The following EPC2 variants were observed in gnomAD, a reference collection of about 807,000 sequenced individuals.
The protein encoded by EPC2 is enhancer of polycomb 2.
EPC2 carries 14 observed loss-of-function variants against 92.1 expected under a neutral mutation model. That is an observed-to-expected ratio of 0.15 (90% CI 0.10 to 0.24). The LOEUF (loss-of-function observed/expected upper bound fraction) is 0.24, where lower values mean the gene tolerates loss of function less well. Ranked by LOEUF, EPC2 falls within the 10% of genes least tolerant of loss-of-function variation. The pLI, the probability that EPC2 is intolerant of heterozygous loss-of-function variation, is 1.00. For synonymous variants in EPC2, 340 were observed against 334.7 expected (o/e 1.02, Z -0.17); for missense variants, 755 against 971.5 (o/e 0.78, Z 2.96).
In EPC2 at chr2:148,670,460, T is replaced by C. The variant is rs546950894; in HGVS notation, c.154-19754T>C. 2.4e-4 allele frequency among the ~76,000 whole-genome samples: 36 copies of C among 152,326 alleles called. No homozygotes were observed. The South Asian group carries it at 3.3e-3, about 14-fold the overall frequency. On this transcript the variant is annotated intron_variant, in intron 1 of 13. Transcript: ENST00000258484. The stretch of plus-strand genomic sequence containing the variant: ...CAATGTTGTACAACCATTACCACTA[T>C]TTTGTTTCAAAACATTTCTATCAGC...
intron 1 of EPC2, among the ~76,000 whole-genome samples, chr2:148,689,941 T>C (rs1681611101): frequency 6.6e-6 from 1 of 152,130 alleles, no homozygotes; most frequent in African/African-American, 2.4e-5. Flanking sequence ...TTTTTTGTAA[T>C]TGAAATTTTA....
At chr2:148,743,406 T>G (rs749388578) in intron 2 of EPC2, among the ~76,000 whole-genome samples, 22 of 152,198 alleles carry the variant, frequency 1.4e-4, no homozygotes, top group Non-Finnish European at 2.1e-4. Flanking sequence ...ATAAGATATT[T>G]CTTAACGTTT....
At chr2:148,748,040 C>T (rs970064298) in intron 3 of EPC2, among the ~76,000 whole-genome samples, 3 of 152,048 alleles carry the variant, frequency 2.0e-5, no homozygotes, top group Non-Finnish European at 2.9e-5. Flanking sequence ...ATGATTGGAT[C>T]GTGAGAGTGG....
chr2:148,705,737 A>G (rs1180699579), intron 2 of EPC2, among the ~76,000 whole-genome samples: 1 of 152,222 alleles, frequency 6.6e-6, no homozygotes, highest in Admixed American at 6.5e-5. Flanking sequence ...GCAAACTCCA[A>G]CAGACCTGCA....
At chr2:148,768,672 G>T (rs1236324073) in intron 7 of EPC2, among the ~76,000 whole-genome samples, 1 of 152,196 alleles carries the variant, frequency 6.6e-6, no homozygotes, top group South Asian at 2.1e-4. Flanking sequence ...GGCCTTTATG[G>T]CCTTTGGGGT....
intron 8 of EPC2, 55 bp from the exon 9 acceptor site, chr2:148,770,737 T>G (rs1683499965): frequency 6.5e-7 from 1 of 1,537,472 alleles, no homozygotes; most frequent in African/African-American, 1.4e-5. Flanking sequence ...TAACCTGTCT[T>G]CATTTCAGAT....
intron 2 of EPC2, among the ~76,000 whole-genome samples, chr2:148,721,364 TC>T (rs2105390937): frequency 6.6e-6 from 1 of 152,218 alleles, no homozygotes; most frequent in East Asian, 1.9e-4. Flanking sequence ...AATATTTCAC[TC>T]CATGCTGTTC....
At chr2:148,663,740 A>G (rs571509481) in intron 1 of EPC2, among the ~76,000 whole-genome samples, 1 of 151,642 alleles carries the variant, frequency 6.6e-6, no homozygotes, top group South Asian at 2.1e-4. Flanking sequence ...TAATTTTTCC[A>G]TGGATGAGGG....
intron 2 of EPC2, among the ~76,000 whole-genome samples, chr2:148,707,202 T>C (rs1361470495): frequency 6.6e-6 from 1 of 151,962 alleles, no homozygotes; most frequent in Non-Finnish European, 1.5e-5. Context: ...GCAATCCTAG[T>C]CTCCGATAAA....
intron 2 of EPC2, among the ~76,000 whole-genome samples, chr2:148,711,978 G>C (rs1282922620): frequency 6.6e-6 from 1 of 151,982 alleles, no homozygotes; most frequent in Non-Finnish European, 1.5e-5. Context: ...TTTAAACTGG[G>C]TTTATTTTAG....
At chr2:148,676,035 C>A (rs1006395015) in intron 1 of EPC2, among the ~76,000 whole-genome samples, 1 of 151,976 alleles carries the variant, frequency 6.6e-6, no homozygotes, top group Non-Finnish European at 1.5e-5. Context: ...TTAGTTCATT[C>A]GTCCCCAAAA....
intron 2 of EPC2, among the ~76,000 whole-genome samples, chr2:148,710,852 G>T (rs12691804): frequency 0.096 from 14,603 of 152,074 alleles, 961 homozygotes; most frequent in Middle Eastern, 0.19. Context: ...GTTGTGGGTT[G>T]GGGGGAGTGG....
intron 2 of EPC2, among the ~76,000 whole-genome samples, chr2:148,734,459 A>G (rs1408813416): frequency 6.6e-6 from 1 of 152,140 alleles, no homozygotes; most frequent in African/African-American, 2.4e-5. Flanking sequence ...TCTGTATACA[A>G]CGATTATTAA....
chr2:148,652,622 G>C (rs568404802), intron 1 of EPC2, among the ~76,000 whole-genome samples: 238 of 152,186 alleles, frequency 1.6e-3, no homozygotes, highest in Middle Eastern at 3.4e-3. Flanking sequence ...CTCTGAAACC[G>C]CATGTCTATC....
At chr2:148,664,698 T>C (rs532616749) in intron 1 of EPC2, among the ~76,000 whole-genome samples, 1 of 152,298 alleles carries the variant, frequency 6.6e-6, no homozygotes, top group South Asian at 2.1e-4. Flanking sequence ...AGATTAGTGG[T>C]TTGCATTCTC....
chr2:148,777,449 A>G (rs1053593275), intron 10 of EPC2, among the ~76,000 whole-genome samples: 1 of 152,070 alleles, frequency 6.6e-6, no homozygotes, highest in Non-Finnish European at 1.5e-5. Context: ...CTGTGTTCCT[A>G]CTCTGTTATG....
chr2:148,736,823 C>T (rs1682767268), intron 2 of EPC2, among the ~76,000 whole-genome samples: 1 of 151,836 alleles, frequency 6.6e-6, no homozygotes, highest in African/African-American at 2.4e-5. Context: ...TTCAGGGCCG[C>T]ACACGATGGC....
chr2:148,706,257 T>G, intron 2 of EPC2, among the ~76,000 whole-genome samples: 1 of 151,908 alleles, frequency 6.6e-6, no homozygotes, highest in Non-Finnish European at 1.5e-5. Flanking sequence ...TATCAGTCAT[T>G]GAAGATCAAA....
At chr2:148,653,350 A>G (rs76761951) in intron 1 of EPC2, among the ~76,000 whole-genome samples, 1,731 of 152,358 alleles carry the variant, frequency 0.011, 34 homozygotes, top group African/African-American at 0.04. Flanking sequence ...GGAGAGGCTG[A>G]TAGGAATAAG....
Sources: allele counts gnomAD v4.1 joint callset (sites outside exome capture counted in the v4.1 genomes callset), GRCh38; gene constraint gnomAD v4.1.1; transcripts MANE v1.5; gene names NCBI Gene and HGNC (gene_info 2026-07-23, HGNC 2026-07-21).